Variants in SAP30L observed in about 807,000 individuals in gnomAD.
The protein encoded by SAP30L is histone deacetylase complex subunit SAP30L.
Under a neutral mutation model 22.3 loss-of-function variants are expected in SAP30L, and 10 were observed. The ratio of observed to expected loss-of-function variants is 0.45; its 90% CI spans 0.28 to 0.76. SAP30L has a LOEUF of 0.76. Among genes scored for constraint, SAP30L ranks in the 30% least tolerant of loss-of-function variants. SAP30L has a pLI of 0.14. For missense variants in SAP30L, 206 were observed against 237.9 expected, an observed-to-expected ratio of 0.87 and a Z score of 0.88; for synonymous variants, 91 against 94.1, an observed-to-expected ratio of 0.97 and a Z score of 0.19.
chr5:154,446,235 C>T lies in SAP30L; in HGVS notation c.-370C>T, dbSNP rs1196133708. The T allele has an allele frequency of 2.1e-5, 4 of 192,776 alleles. No individual in the cohort carries two copies. The highest frequency in any genetic ancestry group is 7.0e-5 in the African/African-American group (3 of 43,048). The allele number at this position is 192,776 out of a possible 1,614,324, so 11.9% of individuals were successfully genotyped here. A position where few individuals can be genotyped will look rare whatever the true frequency, so the allele number is the denominator to read the frequency against. On this transcript the variant is annotated 5_prime_UTR_variant, in exon 1 of 4. Transcript: ENST00000297109. Reference sequence around the variant, plus strand: ...AGCCGGCAGGGGCCTTCGAAACCCCCTGGCAACCCAGGCCCGGAGTCCTTG... The same window carrying T: ...AGCCGGCAGGGGCCTTCGAAACCCCTTGGCAACCCAGGCCCGGAGTCCTTG...
At position 154,457,006 on chromosome 5, in the gene SAP30L, A is replaced by C. The variant is rs1194950697; in HGVS notation, c.*978A>C. 1.3e-5 allele frequency: 2 copies of C among 152,208 alleles called. No homozygotes were observed. Among genetic ancestry groups the C allele is most frequent in the Non-Finnish European group, 2.9e-5 (2 of 68,042 alleles). The allele number at this position is 152,208 out of a possible 1,614,324, so 9.4% of individuals were successfully genotyped here. Reference sequence around the variant, plus strand: ...CAGGGGCCATGTGATTCCTGCCCAGAAGTTCAGCTTAGGATTGAAAGTCTG... The same window carrying C: ...CAGGGGCCATGTGATTCCTGCCCAGCAGTTCAGCTTAGGATTGAAAGTCTG... On this transcript the variant is annotated 3_prime_UTR_variant, in exon 4 of 4. Transcript: ENST00000297109.
chr5:154,455,540 T>C (rs1213082418), intron 3 of SAP30L, among the ~76,000 whole-genome samples: 1 of 152,212 alleles, frequency 6.6e-6, no homozygotes, highest in Non-Finnish European at 1.5e-5. Flanking sequence ...TTCTTCCCAC[T>C]TTCAAGGCCT....
rs1188595813 is a variant in SAP30L, at chr5:154,459,168, T to G, written c.*3140T>G. On this transcript the variant is annotated 3_prime_UTR_variant, in exon 4 of 4. Coordinates refer to ENST00000297109, the MANE Select transcript of SAP30L (RefSeq NM_024632.6). ...TGAGGGAGGCTGTTGCCCAGAGCAG[T>G]TGCTTCATGGAAGTCATCCAAAGGC... The G allele has an allele frequency of 6.6e-6, 1 of 152,228 alleles. No individual in the cohort carries two copies. The allele number at this position is 152,228 out of a possible 1,614,324, so 9.4% of individuals were successfully genotyped here. A position where few individuals can be genotyped will look rare whatever the true frequency, so the allele number is the denominator to read the frequency against.
rs1215381848 is a variant in SAP30L, at chr5:154,458,136, T to G, written c.*2108T>G. The G allele has an allele frequency of 6.6e-6, 1 of 152,226 alleles. No homozygotes were observed. 9.4% of individuals were successfully genotyped at this position (152,226 alleles called of 1,614,324 possible). A position where few individuals can be genotyped will look rare whatever the true frequency, so the allele number is the denominator to read the frequency against. On this transcript the variant is annotated 3_prime_UTR_variant, in exon 4 of 4. Transcript: ENST00000297109. ...CTGTTCAATTGTGTCTGAAAGAATC[T>G]TTATTCCAAAGCGAAACCTGGGGAA... is the stretch of plus-strand genomic sequence containing the variant.
Position 154,456,109 on chromosome 5 carries a change from G to C in SAP30L, c.*81G>C, listed in dbSNP as rs1469924725. The C allele has an allele frequency of 1.4e-6, 2 of 1,407,050 alleles. No individual in the cohort carries two copies. The highest frequency in any genetic ancestry group is 2.9e-5 in the African/African-American group (2 of 69,198). The allele number at this position is 1,407,050 out of a possible 1,614,324, so 87.2% of individuals were successfully genotyped here. On this transcript the variant is annotated 3_prime_UTR_variant, in exon 4 of 4. Coordinates refer to ENST00000297109, the MANE Select transcript of SAP30L (RefSeq NM_024632.6). ...TACTACATTTAAGCCCATAAAGACT[G>C]TTAAATATTATTGTAAATAAAAAAG...
intron 1 of SAP30L, among the ~76,000 whole-genome samples, chr5:154,447,091 GC>G (rs1166879795): frequency 6.6e-6 from 1 of 152,290 alleles, no homozygotes; most frequent in African/African-American, 2.4e-5. Flanking sequence ...AGACTTTAGA[GC>G]AGGGAGAGGT....
chr5:154,446,895 C>T (rs1437039594), intron 1 of SAP30L, 90 bp downstream of exon 1: 3 of 1,143,074 alleles, frequency 2.6e-6, no homozygotes, highest in Non-Finnish European at 2.5e-6. Context: ...CCGGGCACTC[C>T]CCGCCGTGGG....
rs1757305895 is a variant in SAP30L, at chr5:154,458,324, A to G, written c.*2296A>G. ...AGAAAAGACAAAGCTATTTGAACCT[A>G]TGTTTTTCTTATGTCCAGAAATCTG... On this transcript the variant is annotated 3_prime_UTR_variant, in exon 4 of 4. Transcript: ENST00000297109. 1 of 152,216 alleles carries G rather than the reference A, an allele frequency of 6.6e-6. No homozygotes were observed. The highest frequency in any genetic ancestry group is 2.4e-5 in the African/African-American group (1 of 41,450). 9.4% of individuals were successfully genotyped at this position (152,216 alleles called of 1,614,324 possible). A position where few individuals can be genotyped will look rare whatever the true frequency, so the allele number is the denominator to read the frequency against.
At chr5:154,450,798 C>T (rs1757121527) in intron 1 of SAP30L, among the ~76,000 whole-genome samples, 9 of 152,210 alleles carry the variant, frequency 5.9e-5, no homozygotes, top group Admixed American at 5.9e-4. Context: ...AGTCAGGGCC[C>T]TTCACCCTGA....
chr5:154,446,628 G>C lies in SAP30L; in HGVS notation c.24G>C (p.Glu8Asp), dbSNP rs1447888973. Residue 8 changes from glutamate to aspartate, a missense_variant, in exon 1 of 4, where the codon GAG becomes GAC. Transcript: ENST00000297109. MNGFSTE[E>D]DSREGPPAAP... ...AGATGAACGGCTTCAGCACGGAGGA[G>C]GACAGCCGCGAAGGGCCCCCCGCCG... 5.9e-6 allele frequency: 9 copies of C among 1,524,962 alleles called. No homozygotes were observed. In the South Asian group the frequency reaches 8.7e-5, roughly 15 times the overall value. 94.5% of individuals were successfully genotyped at this position (1,524,962 alleles called of 1,614,324 possible).
In SAP30L at chr5:154,458,201, T is replaced by C. The variant is rs1757303542; in HGVS notation, c.*2173T>C. 6.6e-6 allele frequency: 1 copy of C among 152,230 alleles called. No homozygotes were observed. The highest frequency in any genetic ancestry group is 2.4e-5 in the African/African-American group (1 of 41,456). The allele number at this position is 152,230 out of a possible 1,614,324, so 9.4% of individuals were successfully genotyped here. ...GCCAGATGCTGTGTGTGTACTTGGG[T>C]CCCTTGTCTTTCCTCTAAGGAGAGG... is the stretch of plus-strand genomic sequence containing the variant. On this transcript the variant is annotated 3_prime_UTR_variant, in exon 4 of 4. Coordinates refer to ENST00000297109, the MANE Select transcript of SAP30L (RefSeq NM_024632.6).
At chr5:154,453,579 G>T in intron 3 of SAP30L, 79 bp downstream of exon 3, 1 of 960,188 alleles carries the variant, frequency 1.0e-6, no homozygotes, top group Non-Finnish European at 1.7e-6. Context: ...CCCTTACCTT[G>T]TGTGTCTGCT....
Position 154,447,443 on chromosome 5 carries a change from G to A in SAP30L, c.201+638G>A, listed in dbSNP as rs182258527. On this transcript the variant is annotated intron_variant, in intron 1 of 3. Coordinates refer to ENST00000297109, the MANE Select transcript of SAP30L (RefSeq NM_024632.6). ...TAGTTTCTTTTGAAATAAGGGGGTG[G>A]ATATTTAAATTTAAATCGGATTGCC... Among the ~76,000 whole-genome samples the A allele has an allele frequency of 6.6e-5, 10 of 152,322 alleles. No homozygotes were observed. The East Asian group carries it at 1.9e-3, about 29-fold the overall frequency.
chr5:154,454,346 T>C (rs80054319), intron 3 of SAP30L, among the ~76,000 whole-genome samples: 5,477 of 152,300 alleles, frequency 0.036, 338 homozygotes, highest in African/African-American at 0.12. Context: ...ATACATGAAC[T>C]GCCTGGCTTG....
chr5:154,452,365 CAAA>C (rs34765495), intron 2 of SAP30L: 883 of 228,306 alleles, frequency 3.9e-3, no homozygotes, highest in Non-Finnish European at 5.3e-3. Flanking sequence ...TGGTTTTCAC[CAAA>C]AAAAAAAAAA....
At chr5:154,450,115 A>G (rs1165868024) in intron 1 of SAP30L, among the ~76,000 whole-genome samples, 4 of 152,218 alleles carry the variant, frequency 2.6e-5, no homozygotes, top group Admixed American at 1.3e-4. Context: ...CAGTATCAAC[A>G]ACCCCAAGTC....
rs1280756318 is a variant in SAP30L at position 154,459,895 on chromosome 5, G to C, written c.*3867G>C. ...ACGCTTCAGGACTTAAGGTCTAAGC[G>C]TCAGAGAAGTGCCGTATTTTCAAGG... On this transcript the variant is annotated 3_prime_UTR_variant, in exon 4 of 4. Transcript: ENST00000297109. 1.3e-5 allele frequency: 2 copies of C among 152,176 alleles called. No individual in the cohort carries two copies. The highest frequency in any genetic ancestry group is 4.8e-5 in the African/African-American group (2 of 41,432). The allele number at this position is 152,176 out of a possible 1,614,324, so 9.4% of individuals were successfully genotyped here.
intron 1 of SAP30L, among the ~76,000 whole-genome samples, chr5:154,448,406 A>T (rs1757070364): frequency 6.6e-6 from 1 of 152,196 alleles, no homozygotes; most frequent in East Asian, 1.9e-4. Flanking sequence ...TTCTTACTAC[A>T]AATCTCTATC....
intron 1 of SAP30L, among the ~76,000 whole-genome samples, 156 bp from the exon 2 acceptor site, chr5:154,450,935 A>G (rs375690574): frequency 6.6e-6 from 1 of 152,120 alleles, no homozygotes; most frequent in African/African-American, 2.4e-5. Context: ...GTGTTCTGCA[A>G]CTCAGTAGTG....
Sources: allele counts gnomAD v4.1 joint callset (sites outside exome capture counted in the v4.1 genomes callset), GRCh38; gene constraint gnomAD v4.1.1; transcripts MANE v1.5; gene names NCBI Gene and HGNC (gene_info 2026-07-23, HGNC 2026-07-21).